NYAP2: variants seen among roughly 807,000 people sequenced by gnomAD.
NYAP2 encodes neuronal tyrosine-phosphorylated phosphoinositide-3-kinase adaptor 2.
NYAP2 carries 23 observed loss-of-function variants against 50.4 expected under a neutral mutation model. The observed-to-expected ratio is 0.46, with a 90% CI of 0.33 to 0.65. The LOEUF is 0.65. Ranked by LOEUF, NYAP2 falls within the 30% of genes least tolerant of loss-of-function variation. The pLI is 0.02. For synonymous variants in NYAP2, 394 were observed against 365.2 expected, an observed-to-expected ratio of 1.08 and a Z score of -0.90; for missense variants, 885 against 861.0, an observed-to-expected ratio of 1.03 and a Z score of -0.35.
In NYAP2 at chr2:225,478,310, T is replaced by C. The variant is rs138362621; in HGVS notation, c.222-35061T>C. Among the ~76,000 whole-genome samples the C allele has an allele frequency of 5.8e-3, 889 of 152,250 alleles. 3 individuals carry two copies. The highest frequency in any genetic ancestry group is 1.0e-2 in the Non-Finnish European group (679 of 68,014). ...GTAACTGGGAACATGATGGTGCAGC[T>C]GCATAAACAGGAATCCAGGAAGAAG... is the stretch of plus-strand genomic sequence containing the variant. On this transcript the variant is annotated intron_variant, in intron 3 of 6. Coordinates refer to ENST00000636099, the Ensembl canonical transcript of NYAP2.
the NYAP2 span, among the ~76,000 whole-genome samples, chr2:225,668,476 T>A: frequency 3.9e-4 from 59 of 152,246 alleles, no homozygotes; most frequent in African/African-American, 1.4e-3. Context: ...GATCAGTGGA[T>A]TGAGTATATT....
At chr2:225,560,587 C>A (rs998709207) in intron 4 of NYAP2, among the ~76,000 whole-genome samples, 1 of 152,010 alleles carries the variant, frequency 6.6e-6, no homozygotes, top group Non-Finnish European at 1.5e-5. Flanking sequence ...TCAGTGGGAT[C>A]TTTCCTATCA....
At chr2:225,529,898 G>T (rs984877665) in intron 4 of NYAP2, among the ~76,000 whole-genome samples, 3 of 151,684 alleles carry the variant, frequency 2.0e-5, no homozygotes, top group Admixed American at 6.6e-5. Flanking sequence ...TAGTAGAGAC[G>T]GGGTTTCACC....
chr2:225,410,619 A>G (rs1695022263), intron 3 of NYAP2, among the ~76,000 whole-genome samples: 1 of 152,114 alleles, frequency 6.6e-6, no homozygotes, highest in Non-Finnish European at 1.5e-5. Context: ...ATCCTTTTCT[A>G]TAAGCATATA....
In NYAP2 at chr2:225,512,896, C is replaced by CCTTG. The variant is rs1224129197; in HGVS notation, c.222-472_222-471insGCTT. ...TCCTTCCTTCCTTCCTTCCTTCCTT[C>CCTTG]CTTTCCTTTCCTTTCTTTTTCTTTC... On this transcript the variant is annotated intron_variant, in intron 3 of 6. Coordinates refer to ENST00000636099, the Ensembl canonical transcript of NYAP2. Among the ~76,000 whole-genome samples, 842 of 121,122 alleles carry CCTTG rather than the reference C, an allele frequency of 7.0e-3. 11 individuals are homozygous for CCTTG. The highest frequency in any genetic ancestry group is 0.023 in the African/African-American group (760 of 32,484). 79.5% of individuals were successfully genotyped at this position (121,122 alleles called of 152,430 possible).
intron 4 of NYAP2, among the ~76,000 whole-genome samples, chr2:225,559,782 A>G (rs1395678684): frequency 1.3e-5 from 2 of 152,074 alleles, no homozygotes; most frequent in East Asian, 1.9e-4. Flanking sequence ...TATTTTTCCT[A>G]GTCACCCTAC....
chr2:225,693,690 G>T, the NYAP2 span, among the ~76,000 whole-genome samples: 4,052 of 151,938 alleles, frequency 0.027, 73 homozygotes, highest in Non-Finnish European at 0.044. Flanking sequence ...AGCTCTCTTG[G>T]GATTATTTTA....
At chr2:225,539,501 G>A (rs1452127031) in intron 4 of NYAP2, among the ~76,000 whole-genome samples, 3 of 152,122 alleles carry the variant, frequency 2.0e-5, no homozygotes, top group Non-Finnish European at 4.4e-5. Flanking sequence ...ATCCTCTCCA[G>A]CATCTATTGA....
intron 3 of NYAP2, among the ~76,000 whole-genome samples, chr2:225,447,132 A>G (rs867830835): frequency 1.3e-5 from 2 of 152,166 alleles, no homozygotes; most frequent in Non-Finnish European, 2.9e-5. Context: ...CAGAAGTTGC[A>G]GGGTCTTCTG....
chr2:225,652,822 T>G (rs1435386742), exon 7 of NYAP2: 1 of 152,222 alleles, frequency 6.6e-6, no homozygotes, highest in Non-Finnish European at 1.5e-5. Context: ...TTTCTTCTAA[T>G]GAGAGACATT....
chr2:225,590,938 C>G (rs1321117356), intron 5 of NYAP2, among the ~76,000 whole-genome samples: 1 of 152,208 alleles, frequency 6.6e-6, no homozygotes, highest in Non-Finnish European at 1.5e-5. Context: ...CTTCCTTCAT[C>G]AGAATTCCTC....
At chr2:225,682,191 T>C in the NYAP2 span, among the ~76,000 whole-genome samples, 2 of 152,126 alleles carry the variant, frequency 1.3e-5, no homozygotes, top group African/African-American at 4.8e-5. Flanking sequence ...TTGAAGAAGA[T>C]ATTCCAAGAA....
At chr2:225,604,216 TA>T (rs1692746062) in intron 5 of NYAP2, among the ~76,000 whole-genome samples, 1 of 152,026 alleles carries the variant, frequency 6.6e-6, no homozygotes, top group Non-Finnish European at 1.5e-5. Context: ...ACACCTAACC[TA>T]AAAAAAGCTG....
At chr2:225,508,872 T>G (rs1469675670) in intron 3 of NYAP2, among the ~76,000 whole-genome samples, 1 of 152,002 alleles carries the variant, frequency 6.6e-6, no homozygotes. Context: ...TCAGAGGAGG[T>G]TCTCTGTTGA....
intron 2 of NYAP2, among the ~76,000 whole-genome samples, chr2:225,403,732 G>A (rs1170528635): frequency 1.3e-5 from 2 of 151,828 alleles, no homozygotes; most frequent in African/African-American, 4.8e-5. Flanking sequence ...AAGATAAAAG[G>A]ACCTGTGCCT....
chr2:225,552,032 C>T (rs570125758), intron 4 of NYAP2, among the ~76,000 whole-genome samples: 2 of 152,228 alleles, frequency 1.3e-5, no homozygotes, highest in African/African-American at 4.8e-5. Flanking sequence ...AGGTTGGTCT[C>T]GAACTCTTGA....
chr2:225,519,205 TTAA>T (rs1691000320), intron 4 of NYAP2, among the ~76,000 whole-genome samples: 2 of 152,054 alleles, frequency 1.3e-5, no homozygotes, highest in Admixed American at 1.3e-4. Context: ...GCATAATCTT[TTAA>T]TAATATGATA....
chr2:225,651,472 G>A lies in NYAP2; in HGVS notation c.1869G>A (p.Thr623=), dbSNP rs61753536. The A allele has an allele frequency of 5.8e-4, 940 of 1,613,936 alleles. 6 individuals are homozygous for A. Among genetic ancestry groups the A allele is most frequent in the Middle Eastern group, 2.1e-3 (13 of 6,062 alleles). ...GCAAATTAGGCCGGTCTGCGTCGAC[G>A]TCAGGTGTGCCTCCTCCATCAGTCA... Residue 623 remains threonine, a synonymous_variant, in exon 7 of 7, where the codon ACG becomes ACA. Transcript: ENST00000636099.
At chr2:225,564,080 G>A (rs186539145) in intron 4 of NYAP2, among the ~76,000 whole-genome samples, 1 of 152,056 alleles carries the variant, frequency 6.6e-6, no homozygotes. Flanking sequence ...CCAAAGAATA[G>A]CCTCTGAAGT....
Sources: allele counts gnomAD v4.1 joint callset (sites outside exome capture counted in the v4.1 genomes callset), GRCh38; gene constraint gnomAD v4.1.1; transcripts MANE v1.5; gene names NCBI Gene and HGNC (gene_info 2026-07-23, HGNC 2026-07-21).